FUT8: variants seen among roughly 807,000 people sequenced by gnomAD.
FUT8 encodes the protein alpha-(1,6)-fucosyltransferase.
FUT8 carries 29 observed loss-of-function variants against 71.3 expected under a neutral mutation model. That is an observed-to-expected ratio of 0.41 (90% CI 0.30 to 0.55). The LOEUF (loss-of-function observed/expected upper bound fraction) is 0.55, where lower values mean the gene tolerates loss of function less well. FUT8 is among the 20% of genes least tolerant of loss of function. The pLI, the probability that FUT8 is intolerant of heterozygous loss-of-function variation, is 0.34. For missense variants in FUT8, 544 were observed against 702.1 expected (o/e 0.77, Z 2.55); for synonymous variants, 254 against 239.3 (o/e 1.06, Z -0.57).
intron 3 of FUT8, among the ~76,000 whole-genome samples, chr14:65,599,022 C>A (rs1888155739): frequency 6.6e-6 from 1 of 152,166 alleles, no homozygotes; most frequent in South Asian, 2.1e-4. Flanking sequence ...ATCTCCTGAC[C>A]TCGTGATCTG....
chr14:65,363,625 A>G, the FUT8 span, among the ~76,000 whole-genome samples: 9 of 152,180 alleles, frequency 5.9e-5, no homozygotes, highest in African/African-American at 2.2e-4. Flanking sequence ...CCCTCTCTAT[A>G]CTGGCAAGAA....
In FUT8 at chr14:65,655,455, G is replaced by A. The variant is rs919346008; in HGVS notation, c.598-13788G>A. On this transcript the variant is annotated intron_variant, in intron 6 of 10. Coordinates refer to ENST00000673929, the MANE Select transcript of FUT8 (RefSeq NM_001371533.1). ...CACGCCGCTGCACTTTAGCCTGGGC[G>A]ACAGAGCAAGACTCCGTCTCAAAAA... Among the ~76,000 whole-genome samples the A allele has an allele frequency of 2.2e-5, 3 of 138,348 alleles. No individual in the cohort carries two copies. The East Asian group carries it at 6.3e-4, about 29-fold the overall frequency. 90.8% of individuals were successfully genotyped at this position (138,348 alleles called of 152,430 possible).
chr14:65,610,024 A>G (rs1175785897), intron 3 of FUT8, among the ~76,000 whole-genome samples: 1 of 151,792 alleles, frequency 6.6e-6, no homozygotes, highest in Non-Finnish European at 1.5e-5. Flanking sequence ...GTTTTTTGCT[A>G]GAATATAGAA....
intron 2 of FUT8, among the ~76,000 whole-genome samples, chr14:65,460,145 A>G (rs2065950716): frequency 6.6e-6 from 1 of 152,186 alleles, no homozygotes; most frequent in African/African-American, 2.4e-5. Context: ...GAATCTTTTT[A>G]GTCTTTTAGG....
intron 2 of FUT8, among the ~76,000 whole-genome samples, chr14:65,474,183 A>G (rs574771381): frequency 6.6e-6 from 1 of 152,102 alleles, no homozygotes; most frequent in East Asian, 1.9e-4. Flanking sequence ...AAAACGATAT[A>G]TTGGGTACAA....
intron 10 of FUT8, among the ~76,000 whole-genome samples, chr14:65,733,682 A>G (rs1162022135): frequency 6.6e-6 from 1 of 152,220 alleles, no homozygotes; most frequent in African/African-American, 2.4e-5. Context: ...ACAACAAGTA[A>G]TTAAGCTTAC....
At chr14:65,711,627 A>T (rs116387584) in intron 7 of FUT8, among the ~76,000 whole-genome samples, 2,566 of 152,246 alleles carry the variant, frequency 0.017, 71 homozygotes, top group African/African-American at 0.058. Context: ...ATTACAGCTT[A>T]ATTTAAAATG....
chr14:65,506,007 G>A lies in FUT8; in HGVS notation c.-228+50289G>A, dbSNP rs567666261. Among the ~76,000 whole-genome samples the A allele has an allele frequency of 4.2e-4, 64 of 152,318 alleles. 2 individuals carry two copies. In the South Asian group the frequency reaches 0.012, roughly 30 times the overall value. ...TAATAGTCCACCATGTGTTCACTGT[G>A]TAAAGGGTTCAGAGGTGACTGTTGT... On this transcript the variant is annotated intron_variant, in intron 2 of 10. Transcript: ENST00000673929.
rs542367540 is a variant in FUT8, at chr14:65,530,986, A to G, written c.-227-30351A>G. Among the ~76,000 whole-genome samples, 16 of 148,110 alleles carry G rather than the reference A, an allele frequency of 1.1e-4. 1 individual carries two copies. In the Middle Eastern group the frequency reaches 0.011, roughly 98 times the overall value. On this transcript the variant is annotated intron_variant, in intron 2 of 10. Coordinates refer to ENST00000673929, the MANE Select transcript of FUT8 (RefSeq NM_001371533.1). ...TAAAAAGTATGGGAACTTTTTACCA[A>G]TAAAAAAATTGGTCTTATATTCTAT...
chr14:65,365,492 G>T, the FUT8 span, among the ~76,000 whole-genome samples: 1 of 152,064 alleles, frequency 6.6e-6, no homozygotes, highest in African/African-American at 2.4e-5. Context: ...GATGGTTAAG[G>T]CATTTTAAGT....
At chr14:65,443,780 ACTC>A (rs2065698088) in intron 1 of FUT8, among the ~76,000 whole-genome samples, 1 of 151,568 alleles carries the variant, frequency 6.6e-6, no homozygotes, top group Non-Finnish European at 1.5e-5. Context: ...AGTAATATAA[ACTC>A]CTTGAGTTCA....
intron 10 of FUT8, among the ~76,000 whole-genome samples, chr14:65,734,923 C>T (rs1896146599): frequency 6.6e-6 from 1 of 152,158 alleles, no homozygotes; most frequent in Admixed American, 6.5e-5. Context: ...TATTTAGCAG[C>T]ATCCCTGGCC....
intron 1 of FUT8, among the ~76,000 whole-genome samples, chr14:65,449,461 C>T (rs538841136): frequency 4.6e-5 from 7 of 152,230 alleles, no homozygotes; most frequent in African/African-American, 1.4e-4. Flanking sequence ...ATGCGGCTTC[C>T]GTTGATATAC....
At chr14:65,411,993 G>A (rs1036955378), upstream of FUT8, 5 of 456,374 alleles carry the variant, frequency 1.1e-5, no homozygotes, top group East Asian at 3.5e-4. Context: ...AGTCCGAGCG[G>A]GTAGGACGCA....
chr14:65,591,596 A>G (rs1887689006), intron 3 of FUT8, among the ~76,000 whole-genome samples: 1 of 152,158 alleles, frequency 6.6e-6, no homozygotes, highest in African/African-American at 2.4e-5. Flanking sequence ...TATTAGAGGT[A>G]AGATAGAGTT....
intron 2 of FUT8, among the ~76,000 whole-genome samples, chr14:65,481,066 C>T (rs2066323597): frequency 6.6e-6 from 1 of 152,146 alleles, no homozygotes. Flanking sequence ...ACATTTCCAT[C>T]AGCACTGCAC....
chr14:65,382,481 A>G, the FUT8 span, among the ~76,000 whole-genome samples: 2 of 152,128 alleles, frequency 1.3e-5, no homozygotes, highest in Non-Finnish European at 2.9e-5. Flanking sequence ...GACTATAGGC[A>G]CACACCACCA....
rs1360775807 is a variant in FUT8, at chr14:65,724,237, G to A, written c.1173G>A (p.Gln391=). ...EYMVHVEEHF[Q]LLARRMQVDK... ...TGGTGCATGTTGAAGAACATTTTCA[G>A]CTTCTTGCACGCAGAATGCAAGTGG... Residue 391 remains glutamine (Q), a synonymous_variant, in exon 9 of 11, where the codon CAG becomes CAA. Coordinates refer to ENST00000673929, the MANE Select transcript of FUT8 (RefSeq NM_001371533.1). 1.2e-6 allele frequency: 2 copies of A among 1,613,412 alleles called. No individual in the cohort carries two copies. Among genetic ancestry groups the A allele is most frequent in the Non-Finnish European group, 1.7e-6 (2 of 1,179,762 alleles).
chr14:65,452,859 G>C (rs1412844313), intron 1 of FUT8, among the ~76,000 whole-genome samples: 1 of 152,040 alleles, frequency 6.6e-6, no homozygotes, highest in East Asian at 1.9e-4. Flanking sequence ...GTTCAACTTG[G>C]GTCTTTTTTG....
Sources: allele counts gnomAD v4.1 joint callset (sites outside exome capture counted in the v4.1 genomes callset), GRCh38; gene constraint gnomAD v4.1.1; transcripts MANE v1.5; gene names NCBI Gene and HGNC (gene_info 2026-07-23, HGNC 2026-07-21).